Variants in CNTNAP2 observed in about 807,000 individuals in gnomAD.
CNTNAP2 encodes contactin associated protein 2, also known as contactin-associated protein-like 2.
CNTNAP2 carries 98 observed loss-of-function variants against 155.2 expected under a neutral mutation model. The observed-to-expected ratio is 0.63, with a 90% CI of 0.54 to 0.75. The LOEUF is 0.75. Among genes scored for constraint, CNTNAP2 ranks in the 30% least tolerant of loss-of-function variants. The probability of loss-of-function intolerance (pLI) is 0.00; values close to 1 mark genes in which losing one functional copy is unlikely to be tolerated. For missense variants in CNTNAP2, 1,727 were observed against 1,688.1 expected (o/e 1.02, Z -0.40); for synonymous variants, 651 against 631.2 (o/e 1.03, Z -0.47).
intron 11 of CNTNAP2, among the ~76,000 whole-genome samples, chr7:147,552,613 T>C (rs1009236578): frequency 2.0e-5 from 3 of 146,686 alleles, no homozygotes; most frequent in East Asian, 4.0e-4. Context: ...CACACAGAGA[T>C]ATAAATAAGA....
At chr7:147,732,190 C>CG (rs398006718) in intron 13 of CNTNAP2, among the ~76,000 whole-genome samples, 1 of 143,560 alleles carries the variant, frequency 7.0e-6, no homozygotes, top group African/African-American at 2.5e-5. Flanking sequence ...CTCCCCCCCC[C>CG]ACCACCCCCA....
intron 5 of CNTNAP2, among the ~76,000 whole-genome samples, chr7:147,111,318 G>A (rs930342233): frequency 6.6e-6 from 1 of 152,184 alleles, no homozygotes; most frequent in East Asian, 1.9e-4. Flanking sequence ...TCTGTAGGTT[G>A]TCTGTTCACT....
Position 146,843,081 on chromosome 7 carries a change from C to T in CNTNAP2, c.402+3177C>T, listed in dbSNP as rs1261203945. The stretch of plus-strand genomic sequence containing the variant: ...ACTGCGGACTGCAGTGGCGCAATCT[C>T]GGCTCACTGCAAGCTCCGCTTCCCA... On this transcript the variant is annotated intron_variant, in intron 3 of 23. Transcript: ENST00000361727. Among the ~76,000 whole-genome samples the T allele has an allele frequency of 1.2e-3, 131 of 109,522 alleles. 5 individuals are homozygous for T. The highest frequency in any genetic ancestry group is 5.0e-3 in the African/African-American group (123 of 24,828). 71.9% of individuals were successfully genotyped at this position (109,522 alleles called of 152,430 possible). A position where few individuals can be genotyped will look rare whatever the true frequency, so the allele number is the denominator to read the frequency against.
chr7:146,827,783 T>G (rs754117859), intron 2 of CNTNAP2, among the ~76,000 whole-genome samples: 13 of 152,072 alleles, frequency 8.5e-5, no homozygotes, highest in Non-Finnish European at 1.3e-4. Context: ...TGATTTCAAT[T>G]AGAAATGCAG....
At chr7:146,662,536 G>C (rs905033885) in intron 1 of CNTNAP2, among the ~76,000 whole-genome samples, 2 of 151,906 alleles carry the variant, frequency 1.3e-5, no homozygotes, top group Non-Finnish European at 2.9e-5. Context: ...AATTATATAG[G>C]TTTTTTTGCA....
At chr7:147,484,752 C>T (rs1798482310) in intron 10 of CNTNAP2, among the ~76,000 whole-genome samples, 1 of 152,216 alleles carries the variant, frequency 6.6e-6, no homozygotes, top group South Asian at 2.1e-4. Context: ...CTGAGGCCAG[C>T]TCTATCAGAT....
intron 8 of CNTNAP2, among the ~76,000 whole-genome samples, chr7:147,185,843 C>T (rs935523357): frequency 6.6e-6 from 1 of 152,106 alleles, no homozygotes; most frequent in African/African-American, 2.4e-5. Flanking sequence ...CTGTGCTGTT[C>T]TCGTGACAGT....
chr7:146,771,827 T>C (rs1244113624), intron 1 of CNTNAP2, among the ~76,000 whole-genome samples: 2 of 152,174 alleles, frequency 1.3e-5, no homozygotes, highest in African/African-American at 2.4e-5. Context: ...AAAATATTTT[T>C]TGCTTATAAA....
intron 21 of CNTNAP2, among the ~76,000 whole-genome samples, chr7:148,276,859 C>T (rs1796878511): frequency 6.6e-6 from 1 of 152,218 alleles, no homozygotes; most frequent in Admixed American, 6.5e-5. Flanking sequence ...CATTGTAATG[C>T]ACAAAGCAGC....
chr7:147,336,294 A>C (rs936028231), intron 9 of CNTNAP2, among the ~76,000 whole-genome samples: 3 of 152,162 alleles, frequency 2.0e-5, no homozygotes, highest in East Asian at 3.9e-4. Context: ...CACAGAGGTC[A>C]CATTTTCCAA....
At chr7:146,898,031 G>A (rs917331889) in intron 3 of CNTNAP2, among the ~76,000 whole-genome samples, 5 of 151,130 alleles carry the variant, frequency 3.3e-5, no homozygotes, top group Non-Finnish European at 5.9e-5. Context: ...ATGTGTTAAA[G>A]CTTCTCTTAA....
At chr7:146,521,397 TATC>T (rs910191956) in intron 1 of CNTNAP2, among the ~76,000 whole-genome samples, 15 of 152,124 alleles carry the variant, frequency 9.9e-5, no homozygotes, top group African/African-American at 3.6e-4. Flanking sequence ...GCATACAAAA[TATC>T]ATTCAGCCGA....
At chr7:146,358,077 C>A (rs951223543) in intron 1 of CNTNAP2, among the ~76,000 whole-genome samples, 2 of 151,780 alleles carry the variant, frequency 1.3e-5, no homozygotes, top group Non-Finnish European at 2.9e-5. Context: ...CTCGCTTGCC[C>A]AGGCTGGAGT....
intron 1 of CNTNAP2, among the ~76,000 whole-genome samples, chr7:146,453,141 G>A (rs181436298): frequency 6.6e-6 from 1 of 152,284 alleles, no homozygotes; most frequent in East Asian, 1.9e-4. Flanking sequence ...CGATGTTCCA[G>A]AGATCTAAGA....
chr7:146,862,247 ATTC>A (rs1795116727), intron 3 of CNTNAP2, among the ~76,000 whole-genome samples: 1 of 152,160 alleles, frequency 6.6e-6, no homozygotes, highest in African/African-American at 2.4e-5. Flanking sequence ...TATTGAATTA[ATTC>A]TTTACTTAAA....
chr7:146,438,738 G>A (rs1796278293), intron 1 of CNTNAP2, among the ~76,000 whole-genome samples: 1 of 151,342 alleles, frequency 6.6e-6, no homozygotes, highest in Admixed American at 6.6e-5. Flanking sequence ...TTTTTACAAT[G>A]GTTGTACAAT....
At chr7:146,216,780 C>A (rs527899085) in intron 1 of CNTNAP2, among the ~76,000 whole-genome samples, 2 of 152,304 alleles carry the variant, frequency 1.3e-5, no homozygotes, top group Admixed American at 1.3e-4. Context: ...CATAAAATAG[C>A]AGTTCTATTA....
chr7:147,309,861 G>A (rs557471249), intron 9 of CNTNAP2, among the ~76,000 whole-genome samples: 1 of 152,132 alleles, frequency 6.6e-6, no homozygotes, highest in South Asian at 2.1e-4. Context: ...TACCATATAA[G>A]TAGTAGCTTT....
chr7:147,934,761 T>C (rs1025744343), intron 14 of CNTNAP2, among the ~76,000 whole-genome samples: 5 of 152,168 alleles, frequency 3.3e-5, no homozygotes, highest in African/African-American at 1.2e-4. Context: ...TAAATGAATA[T>C]AACAGGTTCT....
Sources: gnomAD v4.1 joint callset for allele counts (sites outside exome capture counted in the v4.1 genomes callset) on GRCh38, gnomAD v4.1.1 for gene constraint, MANE v1.5 for transcripts, NCBI Gene and HGNC (gene_info 2026-07-23, HGNC 2026-07-21) for gene names.